The following KCNJ3 variants were observed in gnomAD, a reference collection of about 807,000 sequenced individuals.
KCNJ3 encodes G protein-activated inward rectifier potassium channel 1.
In KCNJ3, 4 loss-of-function variants were observed where a neutral mutation model predicts 39.2. That is an observed-to-expected ratio of 0.10 (90% confidence interval 0.05 to 0.23). The LOEUF (loss-of-function observed/expected upper bound fraction) is 0.23. Among genes scored for constraint, KCNJ3 ranks in the 10% least tolerant of loss-of-function variants. The probability of loss-of-function intolerance (pLI) is 1.00; values close to 1 mark genes in which losing one functional copy is unlikely to be tolerated. For synonymous variants in KCNJ3, 230 were observed against 237.4 expected, an observed-to-expected ratio of 0.97 and a Z score of 0.29; for missense variants, 276 against 634.9, an observed-to-expected ratio of 0.43 and a Z score of 6.08.
At chr2:154,799,915 G>T (rs539375876) in intron 2 of KCNJ3, among the ~76,000 whole-genome samples, 1 of 152,304 alleles carries the variant, frequency 6.6e-6, no homozygotes, top group African/African-American at 2.4e-5. Context: ...TACGTTAGCA[G>T]ATTTTAAGTG....
chr2:154,766,809 C>T (rs1297565010), intron 2 of KCNJ3, among the ~76,000 whole-genome samples: 2 of 152,086 alleles, frequency 1.3e-5, no homozygotes, highest in Non-Finnish European at 2.9e-5. Flanking sequence ...CCACCTCGGC[C>T]ACCGAAAGTG....
chr2:154,704,326 T>C (rs1684960872), intron 1 of KCNJ3, among the ~76,000 whole-genome samples: 1 of 152,022 alleles, frequency 6.6e-6, no homozygotes, highest in African/African-American at 2.4e-5. Flanking sequence ...TGGAGGGTAT[T>C]TGGCGAGTAG....
At chr2:154,776,738 A>C (rs1323799546) in intron 2 of KCNJ3, among the ~76,000 whole-genome samples, 1 of 152,108 alleles carries the variant, frequency 6.6e-6, no homozygotes, top group Non-Finnish European at 1.5e-5. Flanking sequence ...ATCTCAGTTG[A>C]AAAAAATACC....
chr2:154,752,978 T>C (rs1192885133), intron 2 of KCNJ3, among the ~76,000 whole-genome samples: 1 of 152,064 alleles, frequency 6.6e-6, no homozygotes, highest in African/African-American at 2.4e-5. Flanking sequence ...TAATAAAAAT[T>C]ATATTGATCA....
intron 2 of KCNJ3, among the ~76,000 whole-genome samples, chr2:154,822,170 T>C (rs1189678447): frequency 1.3e-5 from 2 of 152,146 alleles, no homozygotes; most frequent in Non-Finnish European, 2.9e-5. Flanking sequence ...TTTTGTAATA[T>C]ATTTTCAGAC....
In KCNJ3 at chr2:154,699,566, C is replaced by T. The variant is rs1162207675; in HGVS notation, c.702+89C>T. On this transcript the variant is annotated intron_variant, in intron 1 of 2. Coordinates refer to ENST00000295101, the MANE Select transcript of KCNJ3 (RefSeq NM_002239.4). This position sits in a 1 kb window ranked among gnomAD's most constrained non-coding sequence, Gnocchi z 6.4. Reference sequence around the variant, plus strand: ...GTCTGAGAACCAGCCCGGGCCCCCTCCCCTGGTTCTACCTATAGCCACAGG... The same window carrying T: ...GTCTGAGAACCAGCCCGGGCCCCCTTCCCTGGTTCTACCTATAGCCACAGG... The T allele has an allele frequency of 2.0e-6, 3 of 1,475,842 alleles. No individual in the cohort carries two copies. The allele number at this position is 1,475,842 out of a possible 1,614,324, so 91.4% of individuals were successfully genotyped here.
chr2:154,852,244 T>A (rs2652420), intron 2 of KCNJ3, among the ~76,000 whole-genome samples: 97,851 of 151,922 alleles, frequency 0.64, 33,878 homozygotes, highest in East Asian at 0.94. Flanking sequence ...TGAGTCTGAG[T>A]AACATGACAA....
At chr2:154,843,288 G>GT (rs982989483) in intron 2 of KCNJ3, among the ~76,000 whole-genome samples, 2 of 152,130 alleles carry the variant, frequency 1.3e-5, no homozygotes, top group African/African-American at 4.8e-5. Flanking sequence ...GGCTTGCTTG[G>GT]TTTTTGCTGA....
intron 2 of KCNJ3, among the ~76,000 whole-genome samples, chr2:154,719,060 G>T (rs1051297151): frequency 1.3e-5 from 2 of 152,108 alleles, no homozygotes. Context: ...TTTTCAAGAT[G>T]AGGTCTTGGG....
chr2:154,796,458 CT>C (rs1686722191), intron 2 of KCNJ3, among the ~76,000 whole-genome samples: 1 of 151,974 alleles, frequency 6.6e-6, no homozygotes, highest in South Asian at 2.1e-4. Context: ...TGCTTTGTAT[CT>C]TTTAAACACC....
intron 2 of KCNJ3, among the ~76,000 whole-genome samples, chr2:154,721,553 G>A (rs1053921995): frequency 2.0e-5 from 3 of 151,196 alleles, no homozygotes; most frequent in African/African-American, 7.3e-5. Flanking sequence ...GGATAAGCTT[G>A]GTAAAATCTA....
At chr2:154,723,227 G>A (rs1041728304) in intron 2 of KCNJ3, among the ~76,000 whole-genome samples, 62 of 152,262 alleles carry the variant, frequency 4.1e-4, no homozygotes, top group African/African-American at 1.4e-3. Flanking sequence ...CAAGGCTGCA[G>A]TGAGCTGTGA....
chr2:154,826,845 G>A (rs1026443981), intron 2 of KCNJ3, among the ~76,000 whole-genome samples: 10 of 151,882 alleles, frequency 6.6e-5, no homozygotes, highest in Admixed American at 6.6e-5. Context: ...TCAGGGGCGG[G>A]GTGATATTTT....
intron 2 of KCNJ3, among the ~76,000 whole-genome samples, chr2:154,722,720 C>T (rs1685284780): frequency 6.6e-6 from 1 of 152,062 alleles, no homozygotes; most frequent in Non-Finnish European, 1.5e-5. Context: ...CACTGACTGA[C>T]CTTGGAGACA....
chr2:154,809,204 A>C (rs1164286828), intron 2 of KCNJ3, among the ~76,000 whole-genome samples: 1 of 152,174 alleles, frequency 6.6e-6, no homozygotes, highest in East Asian at 1.9e-4. Context: ...ACTGCATAGC[A>C]GAGGAAAGGC....
At chr2:154,769,105 T>C (rs1021574701) in intron 2 of KCNJ3, among the ~76,000 whole-genome samples, 2 of 152,176 alleles carry the variant, frequency 1.3e-5, no homozygotes, top group Non-Finnish European at 2.9e-5. Context: ...ATGGGTTTTT[T>C]TAGATATACA....
chr2:154,855,378 G>T lies in KCNJ3; in HGVS notation c.*65G>T. The T allele has an allele frequency of 9.3e-7, 1 of 1,079,362 alleles. No individual in the cohort carries two copies. The highest frequency in any genetic ancestry group is 1.3e-6 in the Non-Finnish European group (1 of 755,386). 66.9% of individuals were successfully genotyped at this position (1,079,362 alleles called of 1,614,324 possible). On this transcript the variant is annotated 3_prime_UTR_variant, in exon 3 of 3. Transcript: ENST00000295101. ...TAATAGTCCAATATTTGGCGATGAG[G>T]TAATTCTCCCTAAGGAATCTGAAAG...
chr2:154,717,857 C>T (rs1685207330), intron 2 of KCNJ3, among the ~76,000 whole-genome samples: 1 of 152,106 alleles, frequency 6.6e-6, no homozygotes, highest in Non-Finnish European at 1.5e-5. Context: ...AGTGATCTGT[C>T]AAAAGACAGG....
At chr2:154,787,008 T>C (rs1305530574) in intron 2 of KCNJ3, among the ~76,000 whole-genome samples, 3 of 152,200 alleles carry the variant, frequency 2.0e-5, no homozygotes, top group African/African-American at 7.2e-5. Context: ...GGGAATATGC[T>C]GTTAATAATG....
Sources: allele counts gnomAD v4.1 joint callset (sites outside exome capture counted in the v4.1 genomes callset), GRCh38; gene constraint gnomAD v4.1.1; non-coding constraint Gnocchi (gnomAD v3.1); transcripts MANE v1.5; gene names NCBI Gene and HGNC (gene_info 2026-07-23, HGNC 2026-07-21).